Variants in UNC13C observed in about 807,000 individuals in gnomAD.
The protein encoded by UNC13C is unc-13 homolog C.
A neutral mutation model predicts 245.4 loss-of-function variants in UNC13C; 174 were observed. The observed-to-expected ratio is 0.71, with a 90% CI of 0.63 to 0.80. The LOEUF (loss-of-function observed/expected upper bound fraction) is 0.80, where lower values mean the gene tolerates loss of function less well. UNC13C is among the 30% of genes least tolerant of loss of function. UNC13C has a pLI of 0.00. For missense variants in UNC13C, 2,829 were observed against 2,602.9 expected, an observed-to-expected ratio of 1.09 and a Z score of -1.89; for synonymous variants, 992 against 895.1, an observed-to-expected ratio of 1.11 and a Z score of -1.93.
Position 54,511,832 on chromosome 15 carries a change from T to G in UNC13C, c.5457+2T>G. ...TTTGAATCCATGGGAGGGAAGGAGG[T>G]GGGTATCTTTTTCTCCTACATTTGC... On this transcript the variant is annotated splice_donor_variant, in intron 24 of 32. Coordinates refer to ENST00000260323, the MANE Select transcript of UNC13C (RefSeq NM_001080534.3). LOFTEE classifies it high-confidence loss of function. 7.3e-6 allele frequency: 11 copies of G among 1,504,306 alleles called. No homozygotes were observed. Among genetic ancestry groups the G allele is most frequent in the African/African-American group, 1.4e-5 (1 of 72,574 alleles). 93.2% of individuals were successfully genotyped at this position (1,504,306 alleles called of 1,614,324 possible).
intron 2 of UNC13C, among the ~76,000 whole-genome samples, chr15:54,077,212 C>T (rs1898674189): frequency 6.6e-6 from 1 of 151,948 alleles, no homozygotes; most frequent in African/African-American, 2.4e-5. Context: ...GAATATCTTG[C>T]TTGGAAAACT....
At chr15:54,377,927 A>G (rs1309291676) in intron 17 of UNC13C, among the ~76,000 whole-genome samples, 1 of 152,194 alleles carries the variant, frequency 6.6e-6, no homozygotes, top group Non-Finnish European at 1.5e-5. Context: ...CTGTGAACTT[A>G]GTTACAAGTA....
At chr15:54,446,371 A>G (rs1188136732) in intron 19 of UNC13C, among the ~76,000 whole-genome samples, 1 of 152,264 alleles carries the variant, frequency 6.6e-6, no homozygotes, top group African/African-American at 2.4e-5. Context: ...TTGAATCTAT[A>G]AATTACCTTA....
At chr15:54,224,426 A>T (rs181777014) in intron 4 of UNC13C, among the ~76,000 whole-genome samples, 1 of 152,150 alleles carries the variant, frequency 6.6e-6, no homozygotes, top group Non-Finnish European at 1.5e-5. Context: ...GATGTGATGT[A>T]TCACACTGAC....
chr15:54,397,236 G>A (rs755724043), intron 18 of UNC13C, among the ~76,000 whole-genome samples: 5 of 151,282 alleles, frequency 3.3e-5, no homozygotes, highest in African/African-American at 7.3e-5. Flanking sequence ...TCTTTGGATC[G>A]TTTTCATATG....
chr15:54,079,555 A>AT (rs891823371), intron 2 of UNC13C, among the ~76,000 whole-genome samples: 8 of 151,442 alleles, frequency 5.3e-5, no homozygotes, highest in Admixed American at 4.6e-4. Flanking sequence ...TGGGTATTTT[A>AT]TTTTTTTGTG....
chr15:54,532,550 C>A (rs1257855497), intron 25 of UNC13C, among the ~76,000 whole-genome samples: 2 of 152,070 alleles, frequency 1.3e-5, no homozygotes, highest in East Asian at 3.9e-4. Context: ...AGTTGGAGGC[C>A]GTTATCATTA....
At chr15:54,552,628 TTG>T (rs1296416859) in intron 28 of UNC13C, among the ~76,000 whole-genome samples, 3 of 76,286 alleles carry the variant, frequency 3.9e-5, no homozygotes, top group East Asian at 3.7e-4. Context: ...ATATTATATA[TTG>T]TACAATATAA....
At chr15:54,086,007 T>C (rs754484536) in intron 2 of UNC13C, among the ~76,000 whole-genome samples, 1 of 152,338 alleles carries the variant, frequency 6.6e-6, no homozygotes, top group Non-Finnish European at 1.5e-5. Context: ...TGTGTACATG[T>C]GGAATGATCA....
At chr15:54,410,017 C>T (rs1476290249) in intron 18 of UNC13C, among the ~76,000 whole-genome samples, 1 of 152,178 alleles carries the variant, frequency 6.6e-6, no homozygotes, top group Non-Finnish European at 1.5e-5. Context: ...TCCCTTTTCT[C>T]TGCAACCTCA....
intron 4 of UNC13C, among the ~76,000 whole-genome samples, chr15:54,221,217 T>C (rs1596030417): frequency 1.3e-5 from 2 of 152,160 alleles, no homozygotes; most frequent in East Asian, 3.9e-4. Flanking sequence ...TAAGAAGGCA[T>C]AGTGTCATAA....
Position 54,015,681 on chromosome 15 carries a change from A to C in UNC13C, c.2778A>C (p.Ala926=). The C allele has an allele frequency of 6.2e-7, 1 of 1,613,754 alleles. No homozygotes were observed. The highest frequency in any genetic ancestry group is 2.2e-5 in the East Asian group (1 of 44,860). The stretch of plus-strand genomic sequence containing the variant: ...AAGATGAGGGTTATGATGGTCCAGC[A>C]GATGATATGGTTAGTGAAGAGGGGT... The part of the protein sequence containing the change: ...TPQDEGYDGP[A]DDMVSEEGLE... Residue 926 remains alanine, a synonymous_variant, in exon 2 of 33, where the codon GCA becomes GCC. Coordinates refer to ENST00000260323, the MANE Select transcript of UNC13C (RefSeq NM_001080534.3).
intron 16 of UNC13C, among the ~76,000 whole-genome samples, chr15:54,336,999 G>T (rs2038594676): frequency 6.6e-6 from 1 of 152,088 alleles, no homozygotes; most frequent in Admixed American, 6.6e-5. Flanking sequence ...GATAAATCCG[G>T]AGAGAACTGA....
At chr15:54,458,907 A>T (rs2141022109) in intron 19 of UNC13C, among the ~76,000 whole-genome samples, 1 of 151,956 alleles carries the variant, frequency 6.6e-6, no homozygotes, top group Non-Finnish European at 1.5e-5. Flanking sequence ...CAATGTTAGT[A>T]TTGAGATGTG....
At chr15:54,437,384 T>G (rs560421582) in intron 19 of UNC13C, among the ~76,000 whole-genome samples, 1 of 152,062 alleles carries the variant, frequency 6.6e-6, no homozygotes, top group East Asian at 1.9e-4. Context: ...CAACAGATGC[T>G]CTAAAATTTA....
intron 2 of UNC13C, among the ~76,000 whole-genome samples, chr15:54,042,801 C>T (rs1029666813): frequency 5.3e-5 from 8 of 151,962 alleles, no homozygotes; most frequent in African/African-American, 1.7e-4. Flanking sequence ...TGCAGTGAGC[C>T]GAGATCGTGC....
intron 19 of UNC13C, among the ~76,000 whole-genome samples, chr15:54,489,520 T>A (rs1449182213): frequency 1.3e-5 from 2 of 152,198 alleles, no homozygotes; most frequent in Non-Finnish European, 2.9e-5. Flanking sequence ...TGTATATGTA[T>A]GCAAGAAGAA....
intron 2 of UNC13C, among the ~76,000 whole-genome samples, chr15:54,023,835 C>G (rs1411317937): frequency 6.6e-6 from 1 of 152,090 alleles, no homozygotes; most frequent in Non-Finnish European, 1.5e-5. Context: ...GCAAAGTGTA[C>G]AATGCAAAAT....
At chr15:54,044,109 T>TA (rs1896928915) in intron 2 of UNC13C, among the ~76,000 whole-genome samples, 1 of 152,192 alleles carries the variant, frequency 6.6e-6, no homozygotes, top group South Asian at 2.1e-4. Context: ...TGGCAACCAC[T>TA]AATCTACCTT....
Sources: allele counts gnomAD v4.1 joint callset (sites outside exome capture counted in the v4.1 genomes callset), GRCh38; gene constraint gnomAD v4.1.1; transcripts MANE v1.5; gene names NCBI Gene and HGNC (gene_info 2026-07-23, HGNC 2026-07-21).